The following G3BP1 variants were observed in gnomAD, a reference collection of about 807,000 sequenced individuals.
The protein encoded by G3BP1 is G3BP stress granule assembly factor 1, also known as ras GTPase-activating protein-binding protein 1.
A neutral mutation model predicts 58.6 loss-of-function variants in G3BP1; 35 were observed. That is an observed-to-expected ratio of 0.60 (90% CI 0.46 to 0.79). The LOEUF (loss-of-function observed/expected upper bound fraction) is 0.79. Ranked by LOEUF, G3BP1 falls within the 30% of genes least tolerant of loss-of-function variation. G3BP1 has a pLI of 0.00. For missense variants in G3BP1, 523 were observed against 580.8 expected (o/e 0.90, Z 1.02); for synonymous variants, 191 against 195.4 (o/e 0.98, Z 0.19).
At chr5:151,795,297 A>G (rs1170476723) in intron 5 of G3BP1, among the ~76,000 whole-genome samples, 182 bp from the exon 6 acceptor site, 1 of 152,182 alleles carries the variant, frequency 6.6e-6, no homozygotes, top group African/African-American at 2.4e-5. Context: ...AAAACAAAAA[A>G]AAGTCTGTTC....
chr5:151,774,411 T>G lies in G3BP1; in HGVS notation c.-50+2375T>G, dbSNP rs79204921. On this transcript the variant is annotated intron_variant, in intron 1 of 11. Transcript: ENST00000356245. ...GAACGGCAGAAGGCAGTTTTAAGTTTTTGTAAAAGTTTGTGAATTTTATAT... is the reference window on the plus strand; with the variant it reads ...GAACGGCAGAAGGCAGTTTTAAGTTGTTGTAAAAGTTTGTGAATTTTATAT... 1.7e-3 allele frequency among the ~76,000 whole-genome samples: 257 copies of G among 152,134 alleles called. 4 individuals carry two copies. The highest frequency in any genetic ancestry group is 0.015 in the East Asian group (79 of 5,190).
At chr5:151,787,688 G>C (rs998521512) in intron 2 of G3BP1, 6 of 223,902 alleles carry the variant, frequency 2.7e-5, no homozygotes, top group African/African-American at 1.4e-4. Flanking sequence ...ATGTGGACTT[G>C]TTAGAATAAT....
chr5:151,794,401 C>T, intron 5 of G3BP1, 152 bp downstream of exon 5: 3 of 583,600 alleles, frequency 5.1e-6, no homozygotes, highest in African/African-American at 3.7e-5. Flanking sequence ...GAGGTTTTAC[C>T]CTACTTGAAG....
intron 1 of G3BP1, among the ~76,000 whole-genome samples, chr5:151,785,679 C>T (rs1762544022): frequency 6.6e-6 from 1 of 152,152 alleles, no homozygotes; most frequent in Non-Finnish European, 1.5e-5. Flanking sequence ...GTTAATTTTA[C>T]ATGATCACAA....
chr5:151,786,377 A>T (rs1762555108), intron 1 of G3BP1, among the ~76,000 whole-genome samples, 195 bp from the exon 2 acceptor site: 1 of 152,192 alleles, frequency 6.6e-6, no homozygotes, highest in Non-Finnish European at 1.5e-5. Flanking sequence ...ATAATGATGA[A>T]TTCTTCATAA....
rs1020268272 is a variant in G3BP1, at chr5:151,807,597, A to G, written c.*3506A>G. 1.3e-5 allele frequency: 2 copies of G among 152,194 alleles called. No homozygotes were observed. The highest frequency in any genetic ancestry group is 3.8e-4 in the East Asian group (2 of 5,204). The allele number at this position is 152,194 out of a possible 1,614,324, so 9.4% of individuals were successfully genotyped here. A position where few individuals can be genotyped will look rare whatever the true frequency, so the allele number is the denominator to read the frequency against. ...CTCATCAGGTTTGATAATTTAATGC[A>G]AACTTCAAATCTGGATGTGAATAAT... On this transcript the variant is annotated 3_prime_UTR_variant, in exon 12 of 12. Coordinates refer to ENST00000356245, the MANE Select transcript of G3BP1 (RefSeq NM_005754.3).
At chr5:151,800,614 G>A in intron 10 of G3BP1, 146 bp from the exon 11 acceptor site, 1 of 622,106 alleles carries the variant, frequency 1.6e-6, no homozygotes, top group Non-Finnish European at 2.9e-6. Context: ...ACTTATGAGA[G>A]GCACATCTCA....
intron 2 of G3BP1, among the ~76,000 whole-genome samples, chr5:151,789,649 A>C (rs553256201): frequency 6.6e-6 from 1 of 152,324 alleles, no homozygotes; most frequent in African/African-American, 2.4e-5. Context: ...ATAAAAGGAC[A>C]CTTGAAGTCT....
intron 11 of G3BP1, 30 bp downstream of exon 11, chr5:151,800,899 T>C (rs753220507): frequency 1.8e-6 from 2 of 1,138,484 alleles, no homozygotes. Flanking sequence ...GATTTTTTTT[T>C]TTTTTTTTTA....
chr5:151,799,214 A>G lies in G3BP1; in HGVS notation c.744A>G (p.Thr248=), dbSNP rs1304922745. 2.0e-6 allele frequency: 3 copies of G among 1,534,048 alleles called. No homozygotes were observed. The highest frequency in any genetic ancestry group is 1.4e-5 in the African/African-American group (1 of 73,278). Residue 248 remains threonine (T), a splice_region_variant and synonymous_variant, in exon 8 of 12, where the codon ACA becomes ACG. Coordinates refer to ENST00000356245, the MANE Select transcript of G3BP1 (RefSeq NM_005754.3). ...TAATGTTGGTATTGCTCCCTTAGAC[A>G]TTTTCTTGGGCATCTGTGACCAGTA... ...IAQTVQEDLR[T]FSWASVTSKN... is the part of the protein sequence containing the mutation.
At chr5:151,795,291 CA>C (rs978897087) in intron 5 of G3BP1, among the ~76,000 whole-genome samples, 187 bp from the exon 6 acceptor site, 2 of 151,670 alleles carry the variant, frequency 1.3e-5, no homozygotes, top group South Asian at 2.1e-4. Flanking sequence ...AAACAAAAAA[CA>C]AAAAAAAGTC....
intron 2 of G3BP1, chr5:151,787,718 G>A (rs1188108430): frequency 2.1e-5 from 5 of 239,150 alleles, no homozygotes; most frequent in East Asian, 1.3e-4. Context: ...GTTTCAAAAT[G>A]TGTATTTGCT....
chr5:151,785,281 A>G (rs2113226217), intron 1 of G3BP1, among the ~76,000 whole-genome samples: 1 of 152,332 alleles, frequency 6.6e-6, no homozygotes, highest in African/African-American at 2.4e-5. Context: ...TAGTGGCTGT[A>G]GTTTTGGGGA....
chr5:151,803,464 T>C (rs1762890550), intron 11 of G3BP1, among the ~76,000 whole-genome samples: 1 of 152,020 alleles, frequency 6.6e-6, no homozygotes, highest in African/African-American at 2.4e-5. Context: ...AAAACTGAAC[T>C]GTGAGAACTT....
At position 151,799,990 on chromosome 5, in the gene G3BP1, A is replaced by C; in HGVS notation, c.945A>C (p.Gly315=). 6.2e-7 allele frequency: 1 copy of C among 1,600,194 alleles called. No homozygotes were observed. The highest frequency in any genetic ancestry group is 8.6e-7 in the Non-Finnish European group (1 of 1,167,756). ...GAATAAATATTCCTCCCCAAAGGGG[A>C]CCCAGACCAAGTAAGAGCTCAGAAG... ...EQRINIPPQR[G]PRPIREAGEQ... The change falls in exon 9 of 12, where the codon GGA becomes GGC. Residue 315 remains glycine, a synonymous_variant. Transcript: ENST00000356245.
chr5:151,803,638 C>T (rs1762893949), intron 11 of G3BP1, among the ~76,000 whole-genome samples: 1 of 151,976 alleles, frequency 6.6e-6, no homozygotes, highest in South Asian at 2.1e-4. Flanking sequence ...GAACTACAGG[C>T]GTGTGTCACC....
At chr5:151,782,137 A>G (rs777968603) in intron 1 of G3BP1, among the ~76,000 whole-genome samples, 6 of 152,192 alleles carry the variant, frequency 3.9e-5, no homozygotes, top group Non-Finnish European at 7.4e-5. Flanking sequence ...GATAGTAATA[A>G]TAGCTAACAT....
intron 4 of G3BP1, among the ~76,000 whole-genome samples, chr5:151,793,831 CAA>C (rs751382380): frequency 0.23 from 22,008 of 97,542 alleles, 2,124 homozygotes; most frequent in East Asian, 0.39. Context: ...CGTCTCTACT[CAA>C]AAAAAAAAAA....
chr5:151,800,043 G>T, intron 9 of G3BP1, 43 bp downstream of exon 9: 1 of 1,347,764 alleles, frequency 7.4e-7, no homozygotes, highest in Non-Finnish European at 1.1e-6. Context: ...GGGATTTTGA[G>T]GTGAGAGCTT....
Sources: allele counts gnomAD v4.1 joint callset (sites outside exome capture counted in the v4.1 genomes callset), GRCh38; gene constraint gnomAD v4.1.1; transcripts MANE v1.5; gene names NCBI Gene and HGNC (gene_info 2026-07-23, HGNC 2026-07-21).